Variants in KCTD16 observed in about 807,000 individuals in gnomAD.
KCTD16 encodes BTB/POZ domain-containing protein KCTD16.
KCTD16 carries 13 observed loss-of-function variants against 33.2 expected under a neutral mutation model. That is an observed-to-expected ratio of 0.39 (90% CI 0.25 to 0.62). KCTD16 has a LOEUF of 0.62. KCTD16 is among the 20% of genes least tolerant of loss of function. The pLI is 0.50. For missense variants in KCTD16, 441 were observed against 525.1 expected (o/e 0.84, Z 1.57); for synonymous variants, 197 against 195.3 (o/e 1.01, Z -0.07).
At chr5:144,457,373 G>T (rs1263719356) in intron 3 of KCTD16, among the ~76,000 whole-genome samples, 1 of 152,216 alleles carries the variant, frequency 6.6e-6, no homozygotes, top group Non-Finnish European at 1.5e-5. Flanking sequence ...GTGGCCTCTA[G>T]GGGCACTGGA....
intron 3 of KCTD16, among the ~76,000 whole-genome samples, chr5:144,240,763 A>G (rs1046705870): frequency 7.2e-5 from 11 of 151,986 alleles, no homozygotes; most frequent in Non-Finnish European, 1.5e-4. Context: ...ATTTTTTCCA[A>G]TGTCTTCCAA....
intron 3 of KCTD16, among the ~76,000 whole-genome samples, chr5:144,422,511 C>T (rs1753233418): frequency 6.6e-6 from 1 of 152,122 alleles, no homozygotes; most frequent in South Asian, 2.1e-4. Context: ...TGGCACAGAG[C>T]CATCTCAACT....
At chr5:144,444,958 A>G (rs1753789121) in intron 3 of KCTD16, among the ~76,000 whole-genome samples, 2 of 149,570 alleles carry the variant, frequency 1.3e-5, no homozygotes, top group Non-Finnish European at 3.0e-5. Context: ...AGTATTTATA[A>G]TAGTGTTATA....
chr5:144,375,318 C>A (rs1274229634), intron 3 of KCTD16, among the ~76,000 whole-genome samples: 3 of 152,208 alleles, frequency 2.0e-5, no homozygotes, highest in Non-Finnish European at 4.4e-5. Context: ...AATATATTTC[C>A]TTTTTTCTAT....
At chr5:144,392,063 A>T (rs1353676093) in intron 3 of KCTD16, among the ~76,000 whole-genome samples, 1 of 152,234 alleles carries the variant, frequency 6.6e-6, no homozygotes, top group East Asian at 1.9e-4. Context: ...TGTAAAATTA[A>T]ACGTATGTTT....
intron 3 of KCTD16, among the ~76,000 whole-genome samples, chr5:144,278,956 T>C (rs1006169668): frequency 6.6e-6 from 1 of 152,230 alleles, no homozygotes; most frequent in African/African-American, 2.4e-5. Context: ...TAATGAGATA[T>C]CCCTCTACTT....
chr5:144,370,758 C>T lies in KCTD16; in HGVS notation c.833-102902C>T, dbSNP rs191869452. ...AGGATCTGGGTGAGCTGGCTAATGA[C>T]CTGTAACCACTCCCTTGCTTGCTGG... is the stretch of plus-strand genomic sequence containing the variant. On this transcript the variant is annotated intron_variant, in intron 3 of 3. Transcript: ENST00000512467. Among the ~76,000 whole-genome samples the T allele has an allele frequency of 2.5e-3, 386 of 152,232 alleles. 3 individuals carry two copies. Among genetic ancestry groups the T allele is most frequent in the African/African-American group, 8.8e-3 (366 of 41,556 alleles).
At chr5:144,176,694 G>T (rs1752518433) in intron 2 of KCTD16, among the ~76,000 whole-genome samples, 1 of 152,066 alleles carries the variant, frequency 6.6e-6, no homozygotes, top group African/African-American at 2.4e-5. Flanking sequence ...GAGCCACCGC[G>T]CCCGGCCAAG....
intron 2 of KCTD16, among the ~76,000 whole-genome samples, chr5:144,177,687 G>A (rs1752536247): frequency 6.6e-6 from 1 of 152,134 alleles, no homozygotes; most frequent in Non-Finnish European, 1.5e-5. Context: ...CACGAGTCAT[G>A]TTGGTTTAGC....
chr5:144,443,984 A>T (rs1428823182), intron 3 of KCTD16, among the ~76,000 whole-genome samples: 1 of 152,052 alleles, frequency 6.6e-6, no homozygotes, highest in East Asian at 1.9e-4. Context: ...CTTTCTTGCT[A>T]TCAGGTGTAA....
At chr5:144,292,621 T>C (rs1755926107) in intron 3 of KCTD16, among the ~76,000 whole-genome samples, 1 of 152,146 alleles carries the variant, frequency 6.6e-6, no homozygotes, top group African/African-American at 2.4e-5. Context: ...TAGGTGCATA[T>C]TTGGAGATTC....
At chr5:144,431,683 A>G (rs1477523940) in intron 3 of KCTD16, among the ~76,000 whole-genome samples, 1 of 152,176 alleles carries the variant, frequency 6.6e-6, no homozygotes, top group Non-Finnish European at 1.5e-5. Context: ...AGGTGGTTCC[A>G]GCAGCATAGT....
intron 3 of KCTD16, among the ~76,000 whole-genome samples, chr5:144,284,452 G>C (rs1366361607): frequency 6.6e-6 from 1 of 152,180 alleles, no homozygotes; most frequent in Non-Finnish European, 1.5e-5. Context: ...TAGAAGAAAA[G>C]CTCAAAGGCT....
intron 3 of KCTD16, among the ~76,000 whole-genome samples, chr5:144,255,316 G>A (rs1170986587): frequency 6.6e-6 from 1 of 152,072 alleles, no homozygotes; most frequent in African/African-American, 2.4e-5. Flanking sequence ...GCCTCAAATT[G>A]TATTGATTTC....
rs146116508 is a variant in KCTD16 at position 144,415,164 on chromosome 5, C to T, written c.833-58496C>T. 4.4e-4 allele frequency among the ~76,000 whole-genome samples: 67 copies of T among 152,220 alleles called. 1 individual carries two copies. The East Asian group carries it at 0.012, about 28-fold the overall frequency. On this transcript the variant is annotated intron_variant, in intron 3 of 3. Coordinates refer to ENST00000512467, the MANE Select transcript of KCTD16 (RefSeq NM_020768.4). Reference sequence around the variant, plus strand: ...TGAGAGAGCGGAAACAAGAGGGAGCCAATCTCGTCCTTTTGTAAGAAACCA... The same window carrying T: ...TGAGAGAGCGGAAACAAGAGGGAGCTAATCTCGTCCTTTTGTAAGAAACCA...
intron 2 of KCTD16, among the ~76,000 whole-genome samples, chr5:144,190,173 GATTT>G (rs1752813241): frequency 1.3e-5 from 2 of 152,118 alleles, no homozygotes; most frequent in South Asian, 4.1e-4. Flanking sequence ...CACTGCACTG[GATTT>G]ATTTGTTTAC....
intron 3 of KCTD16, among the ~76,000 whole-genome samples, chr5:144,368,679 TGC>T (rs1370341989): frequency 6.6e-6 from 1 of 152,178 alleles, no homozygotes; most frequent in Non-Finnish European, 1.5e-5. Context: ...TTCTGACCCA[TGC>T]AAACTAGGAG....
intron 3 of KCTD16, among the ~76,000 whole-genome samples, chr5:144,336,615 G>C (rs951924013): frequency 6.6e-6 from 1 of 152,130 alleles, no homozygotes; most frequent in Non-Finnish European, 1.5e-5. Flanking sequence ...TGTTTCCCAC[G>C]TTTTTAAATG....
chr5:144,217,956 T>C (rs1292977648), intron 3 of KCTD16, among the ~76,000 whole-genome samples: 1 of 152,182 alleles, frequency 6.6e-6, no homozygotes, highest in Non-Finnish European at 1.5e-5. Context: ...CCTCAGTTAG[T>C]TGCTGAGAGT....
Sources: allele counts gnomAD v4.1 joint callset (sites outside exome capture counted in the v4.1 genomes callset), GRCh38; gene constraint gnomAD v4.1.1; transcripts MANE v1.5; gene names NCBI Gene and HGNC (gene_info 2026-07-23, HGNC 2026-07-21).